Variants in SNX24 observed in about 807,000 individuals in gnomAD.
The protein encoded by SNX24 is sorting nexin-24.
Under a neutral mutation model 28.7 loss-of-function variants are expected in SNX24, and 22 were observed. The ratio of observed to expected loss-of-function variants is 0.77; its 90% CI spans 0.55 to 1.10. SNX24 has a LOEUF of 1.10. SNX24 is among the 50% of genes least tolerant of loss of function. The pLI is 0.00. For synonymous variants in SNX24, 69 were observed against 71.5 expected, an observed-to-expected ratio of 0.96 and a Z score of 0.18; for missense variants, 221 against 201.1, an observed-to-expected ratio of 1.10 and a Z score of -0.60.
intron 6 of SNX24, among the ~76,000 whole-genome samples, chr5:123,003,349 T>C (rs1762311838): frequency 6.6e-6 from 1 of 152,248 alleles, no homozygotes; most frequent in Non-Finnish European, 1.5e-5. Flanking sequence ...TTTCTCTCTG[T>C]AACGTTTGCT....
intron 1 of SNX24, among the ~76,000 whole-genome samples, chr5:122,866,031 CAA>C (rs1445833744): frequency 1.3e-5 from 2 of 152,006 alleles, no homozygotes; most frequent in East Asian, 1.9e-4. Flanking sequence ...GAGAAGAAAA[CAA>C]AGATATTTGT....
At chr5:122,993,579 C>T (rs1390734465) in intron 3 of SNX24, among the ~76,000 whole-genome samples, 1 of 152,078 alleles carries the variant, frequency 6.6e-6, no homozygotes. Context: ...GGATTATAGG[C>T]GTGAGCCACC....
At chr5:122,881,743 TTAAA>T (rs780485168) in intron 1 of SNX24, among the ~76,000 whole-genome samples, 16 of 149,498 alleles carry the variant, frequency 1.1e-4, no homozygotes, top group Middle Eastern at 3.5e-3. Flanking sequence ...TACATATATA[TTAAA>T]TAAATATGTA....
chr5:122,927,578 A>G (rs1318301652), intron 1 of SNX24, among the ~76,000 whole-genome samples: 1 of 152,204 alleles, frequency 6.6e-6, no homozygotes, highest in African/African-American at 2.4e-5. Context: ...GGTATAGTGT[A>G]AGACCTGAAA....
In SNX24 at chr5:122,888,308, G is replaced by A. The variant is rs894906485; in HGVS notation, c.60+42615G>A. 4.6e-5 allele frequency among the ~76,000 whole-genome samples: 7 copies of A among 152,254 alleles called. No homozygotes were observed. In the East Asian group the frequency reaches 7.7e-4, roughly 17 times the overall value. ...CCTAGTTCAGGCCAGGTTCCTATCC[G>A]TTAGGGAGGGAGAGAGTATAGCACA... is the stretch of plus-strand genomic sequence containing the variant. On this transcript the variant is annotated intron_variant, in intron 1 of 6. Transcript: ENST00000261369.
intron 1 of SNX24, among the ~76,000 whole-genome samples, chr5:122,909,679 A>G (rs246286): frequency 0.71 from 108,165 of 152,078 alleles, 39,098 homozygotes; most frequent in East Asian, 0.99. Flanking sequence ...GGCACTGTCT[A>G]TGTTTCTTTG....
downstream of SNX24, among the ~76,000 whole-genome samples, chr5:123,009,600 T>G (rs1762524304): frequency 6.6e-6 from 1 of 152,092 alleles, no homozygotes; most frequent in African/African-American, 2.4e-5. Flanking sequence ...CTCACAAGAG[T>G]GGGAAAACCC....
At chr5:122,996,538 T>A (rs367686714) in intron 3 of SNX24, among the ~76,000 whole-genome samples, 7 of 152,216 alleles carry the variant, frequency 4.6e-5, no homozygotes, top group African/African-American at 1.7e-4. Flanking sequence ...TGAACAATTA[T>A]CCAAACTTCA....
At chr5:122,983,554 G>A (rs188111877) in intron 3 of SNX24, among the ~76,000 whole-genome samples, 2 of 152,298 alleles carry the variant, frequency 1.3e-5, no homozygotes, top group Admixed American at 6.5e-5. Context: ...AGAATGACTG[G>A]CTATTCAGAC....
At chr5:122,893,464 T>C (rs1757067613) in intron 1 of SNX24, among the ~76,000 whole-genome samples, 1 of 152,130 alleles carries the variant, frequency 6.6e-6, no homozygotes, top group African/African-American at 2.4e-5. Context: ...TTTAGACTCT[T>C]TCAGTAAATA....
rs188227616 is a variant in SNX24, at chr5:122,904,428, C to T, written c.61-32306C>T. ...AAACTCCCGACCTCAGGTGATCCGC[C>T]GGCCTCTGCCTCCCAAAGTGCTGGG... On this transcript the variant is annotated intron_variant, in intron 1 of 6. Transcript: ENST00000261369. Among the ~76,000 whole-genome samples the T allele has an allele frequency of 4.7e-3, 717 of 152,270 alleles. 4 individuals are homozygous for T. The highest frequency in any genetic ancestry group is 0.034 in the Middle Eastern group (10 of 294).
chr5:122,874,737 G>A (rs1323275725), intron 1 of SNX24, among the ~76,000 whole-genome samples: 2 of 152,192 alleles, frequency 1.3e-5, no homozygotes, highest in African/African-American at 4.8e-5. Flanking sequence ...GTTGAAGAGT[G>A]AACTCTGGAG....
At chr5:122,912,154 G>T (rs955732970) in intron 1 of SNX24, among the ~76,000 whole-genome samples, 4 of 138,008 alleles carry the variant, frequency 2.9e-5, no homozygotes, top group African/African-American at 8.5e-5. Context: ...CTTGAGCAGT[G>T]GTTTGTAGTT....
chr5:122,989,487 G>T (rs1006925986), intron 3 of SNX24, among the ~76,000 whole-genome samples: 7 of 125,980 alleles, frequency 5.6e-5, no homozygotes, highest in African/African-American at 2.1e-4. Flanking sequence ...CTGACATTTT[G>T]TTGGCTAGAT....
At chr5:123,003,730 G>A (rs1024873640) in intron 6 of SNX24, among the ~76,000 whole-genome samples, 2 of 152,158 alleles carry the variant, frequency 1.3e-5, no homozygotes, top group African/African-American at 2.4e-5. Context: ...GAACTTTCTG[G>A]GAAGAAACAT....
rs541607633 is a variant in SNX24 at position 122,976,438 on chromosome 5, A to G, written c.250-23474A>G. On this transcript the variant is annotated intron_variant, in intron 3 of 6. Coordinates refer to ENST00000261369, the MANE Select transcript of SNX24 (RefSeq NM_014035.4). ...TTATTCTTCTTTTAGCAAGACAAATAACATGAGTTTAGTAATTGTGCCATA... is the reference window on the plus strand; with the variant it reads ...TTATTCTTCTTTTAGCAAGACAAATGACATGAGTTTAGTAATTGTGCCATA... 9.2e-5 allele frequency among the ~76,000 whole-genome samples: 14 copies of G among 152,376 alleles called. No homozygotes were observed. In the Middle Eastern group the frequency reaches 0.017, roughly 185 times the overall value.
chr5:122,866,013 G>C (rs1755703297), intron 1 of SNX24, among the ~76,000 whole-genome samples: 4 of 152,096 alleles, frequency 2.6e-5, no homozygotes, highest in Non-Finnish European at 5.9e-5. Context: ...CATGATAAGG[G>C]GTTAAGAGAG....
chr5:122,925,432 A>T (rs1269524997), intron 1 of SNX24, among the ~76,000 whole-genome samples: 2 of 151,234 alleles, frequency 1.3e-5, no homozygotes, highest in Non-Finnish European at 2.9e-5. Flanking sequence ...GCTAATTTTT[A>T]AAAATTATTA....
chr5:122,848,638 G>A (rs1175277570), intron 1 of SNX24, among the ~76,000 whole-genome samples: 1 of 152,132 alleles, frequency 6.6e-6, no homozygotes, highest in Non-Finnish European at 1.5e-5. Context: ...GAGCCCCGGA[G>A]GCGGAGGTTG....
Sources: gnomAD v4.1 joint callset for allele counts (sites outside exome capture counted in the v4.1 genomes callset) on GRCh38, gnomAD v4.1.1 for gene constraint, MANE v1.5 for transcripts, NCBI Gene and HGNC (gene_info 2026-07-23, HGNC 2026-07-21) for gene names.